The following APELA variants were observed in gnomAD, a reference collection of about 807,000 sequenced individuals.
The protein encoded by APELA is apelin receptor early endogenous ligand.
intron 2 of APELA, among the ~76,000 whole-genome samples, chr4:164,890,430 G>C (rs1305103739): frequency 6.6e-6 from 1 of 152,160 alleles, no homozygotes; most frequent in East Asian, 1.9e-4. Flanking sequence ...GTCCTGGACA[G>C]CCACTAACCT....
At chr4:164,888,432 G>C (rs915364786) in intron 2 of APELA, among the ~76,000 whole-genome samples, 1 of 152,202 alleles carries the variant, frequency 6.6e-6, no homozygotes, top group African/African-American at 2.4e-5. Flanking sequence ...AATTTGGGGA[G>C]TATATGTGGT....
chr4:164,892,020 A>T (rs1461222828), intron 2 of APELA, among the ~76,000 whole-genome samples: 3 of 152,106 alleles, frequency 2.0e-5, no homozygotes, highest in Non-Finnish European at 4.4e-5. Flanking sequence ...TATCTAAATT[A>T]TCATGTGTGG....
At chr4:164,898,328 C>T (rs558753655), downstream of APELA, among the ~76,000 whole-genome samples, 5 of 151,046 alleles carry the variant, frequency 3.3e-5, no homozygotes, top group African/African-American at 1.2e-4. Flanking sequence ...ATGGAGAAAC[C>T]CCATCTCTAC....
chr4:164,895,157 C>A (rs1309447430), intron 2 of APELA, among the ~76,000 whole-genome samples: 1 of 152,156 alleles, frequency 6.6e-6, no homozygotes, highest in Non-Finnish European at 1.5e-5. Flanking sequence ...GAGACCGTGC[C>A]ACTGCACTCC....
chr4:164,889,308 C>T (rs1242902981), intron 2 of APELA, among the ~76,000 whole-genome samples: 1 of 151,982 alleles, frequency 6.6e-6, no homozygotes, highest in Admixed American at 6.6e-5. Flanking sequence ...TTTCTAATAG[C>T]AACATTTTTA....
At chr4:164,890,115 T>C (rs567397228) in intron 2 of APELA, among the ~76,000 whole-genome samples, 1 of 152,328 alleles carries the variant, frequency 6.6e-6, no homozygotes, top group Non-Finnish European at 1.5e-5. Flanking sequence ...TTTTGTAATA[T>C]TTATTTATGC....
In APELA at chr4:164,890,802, T is replaced by C. The variant is rs1730867808; in HGVS notation, c.*2-4614T>C. Among the ~76,000 whole-genome samples the C allele has an allele frequency of 1.3e-5, 2 of 152,220 alleles. 1 individual carries two copies. ...ATATGGTTATGCTATGTGTAACTCA[T>C]TGAGGAACTGCCAAACTGTTTTTCA... On this transcript the variant is annotated intron_variant, in intron 2 of 2. Transcript: ENST00000507152.
chr4:164,882,808 CATT>C (rs1307315125), intron 2 of APELA, among the ~76,000 whole-genome samples: 12 of 152,030 alleles, frequency 7.9e-5, no homozygotes, highest in Admixed American at 7.9e-4. Context: ...CATGGGTTCT[CATT>C]GTTCAATTCC....
chr4:164,890,722 G>T (rs1455253807), intron 2 of APELA, among the ~76,000 whole-genome samples: 2 of 152,148 alleles, frequency 1.3e-5, no homozygotes, highest in African/African-American at 4.8e-5. Context: ...ATAAGTTTTT[G>T]TTGGAACATA....
chr4:164,894,421 A>G (rs13107103), intron 2 of APELA, among the ~76,000 whole-genome samples: 1 of 151,094 alleles, frequency 6.6e-6, no homozygotes, highest in African/African-American at 2.4e-5. Flanking sequence ...TTATTTTTTT[A>G]TTTTTTTATT....
intron 2 of APELA, 85 bp downstream of exon 2, chr4:164,879,094 A>G (rs1730609678): frequency 7.5e-6 from 3 of 397,758 alleles, no homozygotes; most frequent in Admixed American, 8.8e-5. Flanking sequence ...ACAGTTTGTA[A>G]TATGTGATAA....
rs187857138 is a variant in APELA, at chr4:164,884,152, A to G, written c.*1+5143A>G. Among the ~76,000 whole-genome samples the G allele has an allele frequency of 6.0e-5, 9 of 149,488 alleles. No individual in the cohort carries two copies. In the East Asian group the frequency reaches 1.6e-3, roughly 26 times the overall value. On this transcript the variant is annotated intron_variant, in intron 2 of 2. Transcript: ENST00000507152. ...GAAAGAAAGAAAGAAAGAAAGAAAG[A>G]AAGAAAGGAGAAGAGAAAGAAAGGA...
intron 2 of APELA, among the ~76,000 whole-genome samples, chr4:164,886,911 C>T (rs1730783988): frequency 6.6e-6 from 1 of 151,864 alleles, no homozygotes; most frequent in African/African-American, 2.4e-5. Context: ...CTGCACCCTC[C>T]ACCTCCCAGG....
In APELA at chr4:164,897,360, A is replaced by G. The variant is rs1730997577; in HGVS notation, c.*1946A>G. Reference sequence around the variant, plus strand: ...CTGGTTTGTATATTTTGTACTGAAAAAGAAAACACTTTATAGTCAAGATAC... The same window carrying G: ...CTGGTTTGTATATTTTGTACTGAAAGAGAAAACACTTTATAGTCAAGATAC... On this transcript the variant is annotated 3_prime_UTR_variant, in exon 3 of 3. Transcript: ENST00000507152. 1 of 152,212 alleles carries G rather than the reference A, an allele frequency of 6.6e-6. No homozygotes were observed. The highest frequency in any genetic ancestry group is 1.5e-5 in the Non-Finnish European group (1 of 68,048). 9.4% of individuals were successfully genotyped at this position (152,212 alleles called of 1,614,324 possible). A position where few individuals can be genotyped will look rare whatever the true frequency, so the allele number is the denominator to read the frequency against.
At chr4:164,883,444 A>G (rs578012099) in intron 2 of APELA, among the ~76,000 whole-genome samples, 1 of 150,764 alleles carries the variant, frequency 6.6e-6, no homozygotes. Context: ...ACAGACATCT[A>G]CATCTACAAT....
At chr4:164,887,293 C>G (rs1302391524) in intron 2 of APELA, among the ~76,000 whole-genome samples, 2 of 152,116 alleles carry the variant, frequency 1.3e-5, no homozygotes, top group Non-Finnish European at 2.9e-5. Context: ...CCCCATCTTC[C>G]TCTTCCTTCT....
At chr4:164,885,190 GTGTGA>G (rs747101118) in intron 2 of APELA, among the ~76,000 whole-genome samples, 1 of 152,088 alleles carries the variant, frequency 6.6e-6, no homozygotes, top group Non-Finnish European at 1.5e-5. Context: ...GAGTGCAGTG[GTGTGA>G]TCTCAGCTCA....
intron 2 of APELA, among the ~76,000 whole-genome samples, chr4:164,882,643 C>T (rs1293625156): frequency 2.0e-5 from 3 of 151,898 alleles, no homozygotes; most frequent in Non-Finnish European, 2.9e-5. Context: ...ATGTGCACAA[C>T]GTGCAGGTTT....
chr4:164,879,041 T>G (rs1730608706), intron 2 of APELA, 32 bp downstream of exon 2: 1 of 398,834 alleles, frequency 2.5e-6, no homozygotes, highest in African/African-American at 2.1e-5. Context: ...TTCGCTACAT[T>G]TAGGCAGTGT....
Sources: gnomAD v4.1 joint callset for allele counts (sites outside exome capture counted in the v4.1 genomes callset) on GRCh38, gnomAD v4.1.1 for gene constraint, MANE v1.5 for transcripts, NCBI Gene and HGNC (gene_info 2026-07-23, HGNC 2026-07-21) for gene names.